Variants in LRRTM4 observed in about 807,000 individuals in gnomAD.
LRRTM4 encodes leucine-rich repeat transmembrane neuronal protein 4.
LRRTM4 carries 25 observed loss-of-function variants against 47.6 expected under a neutral mutation model. That is an observed-to-expected ratio of 0.53 (90% CI 0.38 to 0.73). LRRTM4 has a LOEUF of 0.73. LRRTM4 is among the 30% of genes least tolerant of loss of function. The pLI, the probability that LRRTM4 is intolerant of heterozygous loss-of-function variation, is 0.00. For synonymous variants in LRRTM4, 311 were observed against 269.5 expected (o/e 1.15, Z -1.51); for missense variants, 638 against 713.4 (o/e 0.89, Z 1.20).
At chr2:76,823,110 T>G (rs1157543045) in intron 3 of LRRTM4, among the ~76,000 whole-genome samples, 1 of 151,428 alleles carries the variant, frequency 6.6e-6, no homozygotes, top group African/African-American at 2.4e-5. Context: ...AATTTCATCA[T>G]TTTACATTGA....
chr2:76,802,463 G>C (rs1042688200), intron 3 of LRRTM4, among the ~76,000 whole-genome samples: 2 of 152,036 alleles, frequency 1.3e-5, no homozygotes, highest in Non-Finnish European at 2.9e-5. Context: ...TAAAATAAAT[G>C]GAAAGGGCCA....
At chr2:76,926,967 ATG>A (rs1674608575) in intron 3 of LRRTM4, among the ~76,000 whole-genome samples, 2 of 152,276 alleles carry the variant, frequency 1.3e-5, no homozygotes, top group South Asian at 4.1e-4. Flanking sequence ...ATACGTGAAA[ATG>A]TGTCAAGATG....
chr2:76,974,173 C>CATAT (rs373130989), intron 3 of LRRTM4, among the ~76,000 whole-genome samples: 11 of 130,328 alleles, frequency 8.4e-5, no homozygotes, highest in African/African-American at 1.8e-4. Context: ...TATATACATA[C>CATAT]ATATATATAC....
At chr2:76,842,486 T>TA (rs1671713731) in intron 3 of LRRTM4, among the ~76,000 whole-genome samples, 1 of 152,332 alleles carries the variant, frequency 6.6e-6, no homozygotes, top group African/African-American at 2.4e-5. Flanking sequence ...AAAATGCATT[T>TA]AGCACACCTA....
intron 3 of LRRTM4, among the ~76,000 whole-genome samples, chr2:76,972,641 C>T (rs77303953): frequency 1.2e-3 from 179 of 151,878 alleles, no homozygotes; most frequent in African/African-American, 4.0e-3. Context: ...CTGGTCGACT[C>T]GAACTCCTGA....
At chr2:77,484,626 C>T (rs1297935952) in intron 3 of LRRTM4, among the ~76,000 whole-genome samples, 3 of 152,110 alleles carry the variant, frequency 2.0e-5, no homozygotes, top group Non-Finnish European at 4.4e-5. Context: ...TGTTTAAATG[C>T]ATAATTATGG....
intron 3 of LRRTM4, among the ~76,000 whole-genome samples, chr2:77,254,900 G>GAA (rs58575359): frequency 1.0e-5 from 1 of 100,090 alleles, no homozygotes. Context: ...AGGGCAAACA[G>GAA]AAAAAAAAAA....
In LRRTM4 at chr2:77,508,370, T is replaced by C. The variant is rs549315716; in HGVS notation, c.1551+9948A>G. ...GGGCTCGTAGAGGACAAGTGATTAATGGAATTTTAGCTCAGATCCATCTCA... is the reference window on the plus strand; with the variant it reads ...GGGCTCGTAGAGGACAAGTGATTAACGGAATTTTAGCTCAGATCCATCTCA... On this transcript the variant is annotated intron_variant, in intron 3 of 3. Transcript: ENST00000409884. 2.5e-4 allele frequency among the ~76,000 whole-genome samples: 38 copies of C among 152,238 alleles called. 1 individual carries two copies. The highest frequency in any genetic ancestry group is 8.9e-4 in the African/African-American group (37 of 41,548).
chr2:76,914,803 C>T (rs889174629), intron 3 of LRRTM4, among the ~76,000 whole-genome samples: 13 of 152,122 alleles, frequency 8.5e-5, no homozygotes, highest in Non-Finnish European at 5.9e-5. Flanking sequence ...AATTTTGTTT[C>T]TCACCATCAT....
intron 3 of LRRTM4, among the ~76,000 whole-genome samples, chr2:77,286,747 A>G (rs1050565404): frequency 2.0e-5 from 3 of 152,224 alleles, no homozygotes; most frequent in African/African-American, 7.2e-5. Flanking sequence ...GTCATTAACA[A>G]TACAAAATAT....
chr2:77,183,686 A>G (rs1026284311), intron 3 of LRRTM4, among the ~76,000 whole-genome samples: 3 of 152,090 alleles, frequency 2.0e-5, no homozygotes, highest in Non-Finnish European at 4.4e-5. Flanking sequence ...CAAGCCAAAT[A>G]TCCAACAATG....
chr2:76,865,613 T>A (rs778738618), intron 3 of LRRTM4, among the ~76,000 whole-genome samples: 45 of 152,146 alleles, frequency 3.0e-4, no homozygotes, highest in Non-Finnish European at 4.3e-4. Flanking sequence ...ACTCACATAA[T>A]TTTGAGCTCC....
At chr2:77,240,241 G>A (rs1474098367) in intron 3 of LRRTM4, among the ~76,000 whole-genome samples, 2 of 151,640 alleles carry the variant, frequency 1.3e-5, no homozygotes, top group African/African-American at 2.4e-5. Context: ...TGAATAAATA[G>A]GTAAACATAA....
At chr2:76,972,177 T>A (rs1444681308) in intron 3 of LRRTM4, among the ~76,000 whole-genome samples, 1 of 151,972 alleles carries the variant, frequency 6.6e-6, no homozygotes, top group Non-Finnish European at 1.5e-5. Flanking sequence ...CAATAGTAGT[T>A]CTCTGAGAAA....
chr2:76,945,714 A>G (rs1675300347), intron 3 of LRRTM4, among the ~76,000 whole-genome samples: 2 of 151,104 alleles, frequency 1.3e-5, no homozygotes, highest in Middle Eastern at 3.4e-3. Flanking sequence ...TGGAGTAAAA[A>G]TATGAAATAT....
intron 3 of LRRTM4, among the ~76,000 whole-genome samples, chr2:76,946,618 T>A (rs1181816663): frequency 6.6e-6 from 1 of 151,830 alleles, no homozygotes; most frequent in Admixed American, 6.6e-5. Context: ...AAAATCAGGA[T>A]AATAATTTCT....
At chr2:77,419,337 C>T (rs150435626) in intron 3 of LRRTM4, among the ~76,000 whole-genome samples, 187 of 152,262 alleles carry the variant, frequency 1.2e-3, no homozygotes, top group African/African-American at 4.0e-3. Context: ...ATTTGTCCCT[C>T]GGTATCTATG....
chr2:76,774,077 T>C (rs977087601), intron 3 of LRRTM4, among the ~76,000 whole-genome samples: 7 of 152,208 alleles, frequency 4.6e-5, no homozygotes, highest in Admixed American at 1.3e-4. Context: ...TAGCCTACTT[T>C]TGACTGGAGG....
At chr2:76,810,617 A>C (rs1670704678) in intron 3 of LRRTM4, among the ~76,000 whole-genome samples, 1 of 152,210 alleles carries the variant, frequency 6.6e-6, no homozygotes, top group African/African-American at 2.4e-5. Flanking sequence ...TTTGCCAAGA[A>C]GTCTTAAAAT....
Sources: allele counts gnomAD v4.1 joint callset (sites outside exome capture counted in the v4.1 genomes callset), GRCh38; gene constraint gnomAD v4.1.1; transcripts MANE v1.5; gene names NCBI Gene and HGNC (gene_info 2026-07-23, HGNC 2026-07-21).